The following RBFOX1 variants were observed in gnomAD, a reference collection of about 807,000 sequenced individuals.
RBFOX1 encodes the protein RNA binding fox-1 homolog 1, also known as RNA binding protein fox-1 homolog 1.
RBFOX1 carries 8 observed loss-of-function variants against 57.7 expected under a neutral mutation model. The ratio of observed to expected loss-of-function variants is 0.14; its 90% confidence interval spans 0.08 to 0.25. The LOEUF (loss-of-function observed/expected upper bound fraction) is 0.25, where lower values mean the gene tolerates loss of function less well. Ranked by LOEUF, RBFOX1 falls within the 10% of genes least tolerant of loss-of-function variation. The pLI, the probability that RBFOX1 is intolerant of heterozygous loss-of-function variation, is 1.00. For missense variants in RBFOX1, 611 were observed against 548.5 expected, an observed-to-expected ratio of 1.11 and a Z score of -1.14; for synonymous variants, 326 against 222.4, an observed-to-expected ratio of 1.47 and a Z score of -4.15.
At chr16:6,483,375 G>A in intron 2 of RBFOX1, 2 of 1,513,520 alleles carry the variant, frequency 1.3e-6, no homozygotes, top group Non-Finnish European at 1.8e-6. Flanking sequence ...AAGGCGCGCG[G>A]CGCGCACGAC....
At chr16:7,634,161 A>G (rs1257375540) in intron 11 of RBFOX1, among the ~76,000 whole-genome samples, 1 of 152,174 alleles carries the variant, frequency 6.6e-6, no homozygotes, top group Non-Finnish European at 1.5e-5. Context: ...AGCTGAGGCT[A>G]CCATACTTTT....
intron 4 of RBFOX1, among the ~76,000 whole-genome samples, chr16:7,186,641 A>G (rs1236968027): frequency 1.4e-5 from 2 of 147,356 alleles, no homozygotes; most frequent in Admixed American, 1.4e-4. Context: ...TATAATATTT[A>G]TATACACATT....
At chr16:6,828,659 C>A (rs1364230225) in intron 3 of RBFOX1, among the ~76,000 whole-genome samples, 1 of 152,060 alleles carries the variant, frequency 6.6e-6, no homozygotes, top group Non-Finnish European at 1.5e-5. Context: ...CTAGGATTCA[C>A]CTAGGACCTC....
At chr16:7,266,419 C>T (rs2095145627) in intron 4 of RBFOX1, among the ~76,000 whole-genome samples, 1 of 152,226 alleles carries the variant, frequency 6.6e-6, no homozygotes, top group Non-Finnish European at 1.5e-5. Flanking sequence ...GGAAGCCCAG[C>T]AGATGCCTGC....
At chr16:7,244,245 T>C (rs2094193893) in intron 4 of RBFOX1, among the ~76,000 whole-genome samples, 2 of 79,480 alleles carry the variant, frequency 2.5e-5, no homozygotes, top group South Asian at 4.2e-4. Context: ...GCCAAAGTAT[T>C]CCAAAAAAAA....
chr16:5,525,489 C>CTTTTTTTT (rs1216671998), intron 2 of RBFOX1, among the ~76,000 whole-genome samples: 3 of 99,442 alleles, frequency 3.0e-5, no homozygotes, highest in African/African-American at 1.3e-4. Context: ...AGAGCCGACA[C>CTTTTTTTT]TATTTTTTTT....
intron 5 of RBFOX1, among the ~76,000 whole-genome samples, chr16:7,563,648 T>G (rs941026988): frequency 9.5e-4 from 144 of 152,100 alleles, no homozygotes; most frequent in African/African-American, 3.3e-3. Context: ...TTTGTACTTT[T>G]AGTAGAGACG....
chr16:6,145,162 T>C (rs2096748252), intron 1 of RBFOX1, among the ~76,000 whole-genome samples: 1 of 152,236 alleles, frequency 6.6e-6, no homozygotes, highest in African/African-American at 2.4e-5. Flanking sequence ...CCATTAGTTA[T>C]ATTTCCTGAT....
At chr16:6,647,942 A>T (rs543746812) in intron 2 of RBFOX1, among the ~76,000 whole-genome samples, 1 of 152,202 alleles carries the variant, frequency 6.6e-6, no homozygotes, top group East Asian at 1.9e-4. Flanking sequence ...ACAGGGTTTA[A>T]GTGATTCTCG....
At chr16:5,848,221 C>G (rs1322551710) in intron 3 of RBFOX1, among the ~76,000 whole-genome samples, 1 of 152,118 alleles carries the variant, frequency 6.6e-6, no homozygotes, top group Non-Finnish European at 1.5e-5. Context: ...AGGTGGATAT[C>G]TTATCCAGCC....
At chr16:5,765,953 C>T (rs369899948) in intron 3 of RBFOX1, among the ~76,000 whole-genome samples, 7 of 152,306 alleles carry the variant, frequency 4.6e-5, no homozygotes, top group South Asian at 4.1e-4. Context: ...ATGGTTACTG[C>T]TGTTGCCATC....
chr16:7,235,127 C>T (rs1214130613), intron 4 of RBFOX1, among the ~76,000 whole-genome samples: 5 of 152,232 alleles, frequency 3.3e-5, no homozygotes, highest in African/African-American at 4.8e-5. Flanking sequence ...TAAATCTACA[C>T]ATCGGTAGTA....
intron 4 of RBFOX1, among the ~76,000 whole-genome samples, chr16:7,053,241 C>T (rs767631588): frequency 6.6e-6 from 1 of 152,132 alleles, no homozygotes; most frequent in Non-Finnish European, 1.5e-5. Context: ...ACAAGGTTTT[C>T]TGTTTCTTTT....
In RBFOX1 at chr16:7,557,264, G is replaced by C. The variant is rs188905870; in HGVS notation, c.271-22513G>C. ...TACTTAGCACAGCTTTATTGCCAAA[G>C]AGAATTGTAAAGCAACTGGAAAAAT... On this transcript the variant is annotated intron_variant, in intron 5 of 15. Coordinates refer to ENST00000550418, the MANE Select transcript of RBFOX1 (RefSeq NM_018723.4). Among the ~76,000 whole-genome samples the C allele has an allele frequency of 2.1e-3, 312 of 152,100 alleles. 1 individual carries two copies. The highest frequency in any genetic ancestry group is 6.9e-3 in the African/African-American group (287 of 41,510).
intron 3 of RBFOX1, among the ~76,000 whole-genome samples, chr16:6,679,424 A>G (rs140760522): frequency 1.6e-3 from 251 of 152,230 alleles, no homozygotes; most frequent in South Asian, 0.016. Context: ...TGCTGCAGAC[A>G]TCATTGCAGT....
chr16:6,169,067 C>T (rs1286391151), intron 1 of RBFOX1, among the ~76,000 whole-genome samples: 1 of 152,132 alleles, frequency 6.6e-6, no homozygotes, highest in Non-Finnish European at 1.5e-5. Context: ...TTTATCACTT[C>T]GTTTAGCCAC....
chr16:6,960,818 A>C (rs1490334632), intron 3 of RBFOX1, among the ~76,000 whole-genome samples: 2 of 151,968 alleles, frequency 1.3e-5, no homozygotes, highest in East Asian at 3.9e-4. Flanking sequence ...TGGGTACCTG[A>C]CCCAAACAAA....
At chr16:6,781,557 G>A (rs1355440442) in intron 3 of RBFOX1, among the ~76,000 whole-genome samples, 1 of 151,976 alleles carries the variant, frequency 6.6e-6, no homozygotes. Context: ...ATCAAGTCCT[G>A]GCCTTTTCTC....
chr16:7,703,724 G>T (rs974845204), intron 14 of RBFOX1, among the ~76,000 whole-genome samples: 1 of 152,066 alleles, frequency 6.6e-6, no homozygotes, highest in Admixed American at 6.6e-5. Context: ...TAACAAACAC[G>T]GGTTTATATT....
Sources: allele counts gnomAD v4.1 joint callset (sites outside exome capture counted in the v4.1 genomes callset), GRCh38; gene constraint gnomAD v4.1.1; transcripts MANE v1.5; gene names NCBI Gene and HGNC (gene_info 2026-07-23, HGNC 2026-07-21).